Variants in ZNF16 observed in about 807,000 individuals in gnomAD.
ZNF16 encodes the protein zinc finger protein 16.
A neutral mutation model predicts 9.0 loss-of-function variants in ZNF16; 7 were observed. The ratio of observed to expected loss-of-function variants is 0.78; its 90% CI spans 0.44 to 1.47. ZNF16 has a LOEUF of 1.47. ZNF16 is among the 40% of genes most tolerant of loss of function. ZNF16 has a pLI of 0.01. For missense variants in ZNF16, 830 were observed against 854.2 expected (o/e 0.97, Z 0.35); for synonymous variants, 312 against 301.5 (o/e 1.03, Z -0.36).
At chr8:144,936,674 A>T (rs1017038302) in intron 2 of ZNF16, among the ~76,000 whole-genome samples, 3 of 152,018 alleles carry the variant, frequency 2.0e-5, no homozygotes, top group Non-Finnish European at 2.9e-5. Flanking sequence ...TTAGCCATTC[A>T]TATGTTTTCT....
chr8:144,942,466 T>G (rs1833827697), intron 2 of ZNF16, among the ~76,000 whole-genome samples: 1 of 151,720 alleles, frequency 6.6e-6, no homozygotes, highest in Admixed American at 6.6e-5. Flanking sequence ...TTTTGTATTT[T>G]TAGTAGAGAC....
rs541182557 is a variant in ZNF16, at chr8:144,942,224, C to T, written c.196+3787G>A. ...CAATCTCCTGACCTTGTGATCTGCCCGCCTCGGCCTCCCAAAGTGCTGGGA... is the reference window on the plus strand; with the variant it reads ...CAATCTCCTGACCTTGTGATCTGCCTGCCTCGGCCTCCCAAAGTGCTGGGA... On this transcript the variant is annotated intron_variant, in intron 2 of 2. Coordinates refer to ENST00000394909, the MANE Select transcript of ZNF16 (RefSeq NM_006958.3). Among the ~76,000 whole-genome samples the T allele has an allele frequency of 2.3e-3, 344 of 150,946 alleles. 1 individual carries two copies. The highest frequency in any genetic ancestry group is 4.2e-3 in the Admixed American group (63 of 15,148).
chr8:144,936,361 A>G (rs1833682071), intron 2 of ZNF16, among the ~76,000 whole-genome samples: 1 of 152,210 alleles, frequency 6.6e-6, no homozygotes. Context: ...CATGAATACT[A>G]CTGCTGTGAA....
At chr8:144,950,300 C>T (rs1385502300) in intron 1 of ZNF16, 1 of 152,218 alleles carries the variant, frequency 6.6e-6, no homozygotes. Context: ...ACTCAGAGAC[C>T]GGTGCCGGTG....
Position 144,946,044 on chromosome 8 carries a change from G to T in ZNF16, c.163C>A (p.Leu55Met). ...CGTPCCSDTE[L>M]EAICPHYQQP... ...TGATAGTGAGGGCAGATGGCTTCCA[G>T]CTCAGTATCACTACAGCAGGGGGTA... Residue 55 changes from leucine (L) to methionine (M), a missense_variant, in exon 2 of 3, where the codon CTG (leucine) becomes ATG (methionine). By Grantham distance (15) the Leu-to-Met change is conservative. Coordinates refer to ENST00000394909, the MANE Select transcript of ZNF16 (RefSeq NM_006958.3). The T allele has an allele frequency of 6.2e-7, 1 of 1,613,850 alleles. No individual in the cohort carries two copies. The highest frequency in any genetic ancestry group is 8.5e-7 in the Non-Finnish European group (1 of 1,179,830).
intron 2 of ZNF16, among the ~76,000 whole-genome samples, chr8:144,937,399 A>G (rs891259163): frequency 6.6e-6 from 1 of 151,884 alleles, no homozygotes; most frequent in South Asian, 2.1e-4. Flanking sequence ...GCCTCCCAAA[A>G]TGCTGGGTAA....
chr8:144,931,645 T>G lies in ZNF16; in HGVS notation c.1142A>C (p.Glu381Ala), dbSNP rs201552063. ...ACTCTGGCTGAAGGCTTTCCCACAC[T>G]CGCCACACTCAAAAGGCTTCTCTCC... Reference protein sequence around the residue: ...HTGEKPFECGECGKAFSQSAH... With the variant: ...HTGEKPFECGACGKAFSQSAH... The change falls in exon 3 of 3, where the codon GAG becomes GCG. Residue 381 changes from glutamate (E) to alanine (A), a missense_variant. Glu to Ala is a moderately radical substitution (Grantham distance 107, BLOSUM62 -1). Transcript: ENST00000394909. The G allele has an allele frequency of 6.2e-7, 1 of 1,613,906 alleles. No individual in the cohort carries two copies. Among genetic ancestry groups the G allele is most frequent in the African/African-American group, 1.3e-5 (1 of 74,864 alleles).
At chr8:144,940,982 C>T (rs532529279) in intron 2 of ZNF16, among the ~76,000 whole-genome samples, 2 of 152,290 alleles carry the variant, frequency 1.3e-5, no homozygotes, top group South Asian at 4.2e-4. Context: ...AAAGGCCCCA[C>T]CTCTTAATAA....
At position 144,931,672 on chromosome 8, in the gene ZNF16, G is replaced by A. The variant is rs1262906956; in HGVS notation, c.1115C>T (p.Thr372Ile). ...SNLIKHHRTH[T>I]GEKPFECGEC... ...GCCACACTCAAAAGGCTTCTCTCCT[G>A]TGTGAGTCCTGTGGTGTTTGATGAG... is the stretch of plus-strand genomic sequence containing the variant. The change falls in exon 3 of 3, where the codon ACA becomes ATA. Residue 372 changes from threonine (T) to isoleucine (I), a missense_variant. By Grantham distance (89) the Thr-to-Ile change is moderately conservative. Transcript: ENST00000394909. 1.2e-6 allele frequency: 2 copies of A among 1,613,848 alleles called. 1 individual carries two copies.
intron 2 of ZNF16, among the ~76,000 whole-genome samples, chr8:144,941,574 C>A: frequency 6.6e-6 from 1 of 152,094 alleles, no homozygotes; most frequent in East Asian, 1.9e-4. Context: ...AAATCTTTTA[C>A]CTTTTTGTTC....
chr8:144,935,481 C>T (rs1026167764), intron 2 of ZNF16, among the ~76,000 whole-genome samples: 1 of 152,200 alleles, frequency 6.6e-6, no homozygotes, highest in African/African-American at 2.4e-5. Flanking sequence ...GCTGGGATTA[C>T]AGGTGTGAGC....
chr8:144,946,619 C>CG, intron 1 of ZNF16, among the ~76,000 whole-genome samples: 1 of 116,372 alleles, frequency 8.6e-6, no homozygotes, highest in African/African-American at 3.6e-5. Flanking sequence ...GGCTTGTGTC[C>CG]TGCTGTTGGG....
At chr8:144,944,074 C>CTTTTTTTTTTTTTTTTTTT (rs201224329) in intron 2 of ZNF16, 1 of 122,444 alleles carries the variant, frequency 8.2e-6, no homozygotes. Flanking sequence ...TTCTTTTTTT[C>CTTTTTTTTTTTTTTTTTTT]TTTTTTTTTT....
intron 2 of ZNF16, among the ~76,000 whole-genome samples, chr8:144,942,314 C>G (rs1833822325): frequency 6.6e-6 from 1 of 150,630 alleles, no homozygotes. Context: ...GAGTTTTGCT[C>G]TGTCACCCAG....
intron 2 of ZNF16, among the ~76,000 whole-genome samples, chr8:144,942,171 G>A (rs1338763995): frequency 2.0e-5 from 3 of 150,266 alleles, no homozygotes; most frequent in Non-Finnish European, 3.0e-5. Context: ...GTAGAGACGG[G>A]GTTTCACTGT....
At chr8:144,949,323 G>A (rs1374982289) in intron 1 of ZNF16, among the ~76,000 whole-genome samples, 2 of 152,256 alleles carry the variant, frequency 1.3e-5, no homozygotes, top group Non-Finnish European at 1.5e-5. Context: ...CTGAGGCTGA[G>A]CGAAACCCCC....
chr8:144,942,110 T>G (rs980446544), intron 2 of ZNF16, among the ~76,000 whole-genome samples: 1 of 150,880 alleles, frequency 6.6e-6, no homozygotes, highest in Non-Finnish European at 1.5e-5. Context: ...CCCAAGTAGC[T>G]GGGACTACAG....
chr8:144,937,267 C>G (rs1433142438), intron 2 of ZNF16, among the ~76,000 whole-genome samples: 1 of 150,468 alleles, frequency 6.6e-6, no homozygotes, highest in Non-Finnish European at 1.5e-5. Flanking sequence ...TCCAGAGTAG[C>G]TGGAACTACG....
At chr8:144,944,471 C>A (rs976103786) in intron 2 of ZNF16, 1 of 151,676 alleles carries the variant, frequency 6.6e-6, no homozygotes, top group African/African-American at 2.4e-5. Flanking sequence ...CAGGTGTGAG[C>A]CACCGTGGTG....
Sources: gnomAD v4.1 joint callset for allele counts (sites outside exome capture counted in the v4.1 genomes callset) on GRCh38, gnomAD v4.1.1 for gene constraint, MANE v1.5 for transcripts, NCBI Gene and HGNC (gene_info 2026-07-23, HGNC 2026-07-21) for gene names.